The following MYO16 variants were observed in gnomAD, a reference collection of about 807,000 sequenced individuals.
MYO16 encodes unconventional myosin-XVI.
In MYO16, 94 loss-of-function variants were observed where a neutral mutation model predicts 205.3. The ratio of observed to expected loss-of-function variants is 0.46; its 90% confidence interval spans 0.39 to 0.54. The LOEUF is 0.54. Among genes scored for constraint, MYO16 ranks in the 20% least tolerant of loss-of-function variants. MYO16 has a pLI of 0.00. For missense variants in MYO16, 2,315 were observed against 2,387.5 expected (o/e 0.97, Z 0.63); for synonymous variants, 988 against 954.0 (o/e 1.04, Z -0.66).
chr13:108,744,108 T>C (rs1884988911), intron 4 of MYO16, among the ~76,000 whole-genome samples: 2 of 152,236 alleles, frequency 1.3e-5, no homozygotes, highest in African/African-American at 2.4e-5. Context: ...CAACTTTTCA[T>C]GTAAATGACC....
intron 27 of MYO16, among the ~76,000 whole-genome samples, chr13:109,079,193 A>G (rs1888206815): frequency 6.6e-6 from 1 of 151,990 alleles, no homozygotes; most frequent in Non-Finnish European, 1.5e-5. Context: ...GGATTAATTC[A>G]TTTGTTTTCT....
intron 27 of MYO16, among the ~76,000 whole-genome samples, chr13:109,081,367 T>C (rs190627110): frequency 1.6e-4 from 25 of 152,322 alleles, no homozygotes; most frequent in South Asian, 4.1e-4. Flanking sequence ...ATGAAAGTTA[T>C]GCATTAGGGT....
At chr13:108,879,631 A>G (rs896972087) in intron 12 of MYO16, among the ~76,000 whole-genome samples, 4 of 152,066 alleles carry the variant, frequency 2.6e-5, no homozygotes, top group African/African-American at 9.7e-5. Context: ...CTGTCCTTGC[A>G]ATAGTTTGCT....
chr13:108,509,722 T>C, the MYO16 span, among the ~76,000 whole-genome samples: 5 of 152,130 alleles, frequency 3.3e-5, no homozygotes, highest in South Asian at 4.1e-4. Flanking sequence ...GGGTGCAGCA[T>C]ACCAATATGG....
the MYO16 span, among the ~76,000 whole-genome samples, chr13:108,538,499 G>C: frequency 1.2e-3 from 185 of 152,186 alleles, no homozygotes; most frequent in Non-Finnish European, 2.0e-3. Context: ...GTGGGTCTGA[G>C]AGTGAATGTT....
rs536036412 is a variant in MYO16, at chr13:109,138,147, A to AT, written c.4052-2113dup. ...AGATCCCTCTGATTCCAAAGCTTTA[A>AT]TTTTAACCATTAGACTTCATTGTCT... On this transcript the variant is annotated intron_variant, in intron 31 of 34. Coordinates refer to ENST00000457511, the MANE Select transcript of MYO16 (RefSeq NM_001198950.3). Among the ~76,000 whole-genome samples the AT allele has an allele frequency of 4.1e-3, 619 of 152,344 alleles. 4 individuals carry two copies. Among genetic ancestry groups the AT allele is most frequent in the Non-Finnish European group, 6.1e-3 (417 of 68,038 alleles).
At chr13:108,801,128 C>T (rs774622396) in intron 6 of MYO16, among the ~76,000 whole-genome samples, 6 of 151,930 alleles carry the variant, frequency 3.9e-5, no homozygotes, top group South Asian at 2.1e-4. Context: ...CAAAATATGC[C>T]GAGTTCATAG....
chr13:108,878,142 G>C (rs1448453805), intron 12 of MYO16, among the ~76,000 whole-genome samples: 1 of 152,108 alleles, frequency 6.6e-6, no homozygotes, highest in East Asian at 1.9e-4. Context: ...GGAGACACTG[G>C]GTAGAAGAGA....
intron 32 of MYO16, among the ~76,000 whole-genome samples, chr13:109,151,611 C>A (rs967010892): frequency 6.6e-6 from 1 of 152,150 alleles, no homozygotes; most frequent in Non-Finnish European, 1.5e-5. Context: ...TCAAACATAA[C>A]CCTTCAAAAG....
intron 16 of MYO16, among the ~76,000 whole-genome samples, chr13:108,936,678 G>A (rs988434518): frequency 6.6e-6 from 1 of 152,032 alleles, no homozygotes; most frequent in African/African-American, 2.4e-5. Context: ...CATTTGCCTG[G>A]TAGATCTTTC....
the MYO16 span, among the ~76,000 whole-genome samples, chr13:108,544,637 T>C: frequency 6.6e-6 from 1 of 152,226 alleles, no homozygotes; most frequent in Non-Finnish European, 1.5e-5. Context: ...AAATATACAA[T>C]TAAATTATGA....
chr13:108,783,053 T>C (rs4771611), intron 4 of MYO16, among the ~76,000 whole-genome samples: 51,784 of 151,944 alleles, frequency 0.34, 10,037 homozygotes, highest in East Asian at 0.63. Flanking sequence ...TGTGAGAAGA[T>C]GGCCATCATC....
intron 20 of MYO16, among the ~76,000 whole-genome samples, chr13:108,967,833 T>C (rs990725948): frequency 1.3e-5 from 2 of 152,178 alleles, no homozygotes; most frequent in African/African-American, 4.8e-5. Flanking sequence ...ACGATGACTC[T>C]AGGAAAATGG....
At chr13:108,580,044 A>G in the MYO16 span, among the ~76,000 whole-genome samples, 1 of 152,224 alleles carries the variant, frequency 6.6e-6, no homozygotes, top group Non-Finnish European at 1.5e-5. Flanking sequence ...CAAATAATAT[A>G]ATTCAAATAC....
chr13:109,124,592 G>A (rs1179120460), intron 29 of MYO16, among the ~76,000 whole-genome samples: 2 of 152,150 alleles, frequency 1.3e-5, no homozygotes, highest in South Asian at 2.1e-4. Context: ...CTTTCCCAGA[G>A]AGCAGGATGG....
intron 16 of MYO16, among the ~76,000 whole-genome samples, chr13:108,915,961 G>T (rs1425794437): frequency 1.3e-5 from 2 of 152,318 alleles, no homozygotes; most frequent in South Asian, 2.1e-4. Context: ...TCCCGTGAAG[G>T]TTTGGTTTCT....
In MYO16 at chr13:109,162,435, G is replaced by C. The variant is rs532981629; in HGVS notation, c.5165-2466G>C. ...GTACCTGGTTTCTTGAACATGGTGAGCTCTTTCCTGCTTTGGGGTATTTAC... is the reference window on the plus strand; with the variant it reads ...GTACCTGGTTTCTTGAACATGGTGACCTCTTTCCTGCTTTGGGGTATTTAC... On this transcript the variant is annotated intron_variant, in intron 32 of 34. Transcript: ENST00000457511. The surrounding 1 kb of genome is among the most constrained non-coding windows in gnomAD (Gnocchi z 4.6). Among the ~76,000 whole-genome samples, 1 of 152,288 alleles carries C rather than the reference G, an allele frequency of 6.6e-6. No homozygotes were observed. Among genetic ancestry groups the C allele is most frequent in the East Asian group, 1.9e-4 (1 of 5,158 alleles).
intron 1 of MYO16, among the ~76,000 whole-genome samples, chr13:108,604,690 CT>C (rs1165738020): frequency 6.6e-6 from 1 of 152,126 alleles, no homozygotes; most frequent in Non-Finnish European, 1.5e-5. Flanking sequence ...TAATCCTTGA[CT>C]TTTTTTATTT....
At chr13:109,170,302 A>G (rs557957904) in intron 33 of MYO16, among the ~76,000 whole-genome samples, 1 of 152,310 alleles carries the variant, frequency 6.6e-6, no homozygotes, top group South Asian at 2.1e-4. Context: ...CCTCATTAGT[A>G]ACTAGAGAAA....
Sources: gnomAD v4.1 joint callset for allele counts (sites outside exome capture counted in the v4.1 genomes callset) on GRCh38, gnomAD v4.1.1 for gene constraint, Gnocchi (gnomAD v3.1) non-coding constraint, MANE v1.5 for transcripts, NCBI Gene and HGNC (gene_info 2026-07-23, HGNC 2026-07-21) for gene names.